The following IFNLR1 variants were observed in gnomAD, a reference collection of about 807,000 sequenced individuals.
IFNLR1 encodes the protein CRF2-12.
In IFNLR1, 28 loss-of-function variants were observed where a neutral mutation model predicts 52.5. The observed-to-expected ratio is 0.53, with a 90% CI of 0.40 to 0.73. The LOEUF is 0.73. IFNLR1 is among the 30% of genes least tolerant of loss of function. IFNLR1 has a pLI of 0.00. For missense variants in IFNLR1, 623 were observed against 659.1 expected (o/e 0.95, Z 0.60); for synonymous variants, 276 against 274.9 (o/e 1.00, Z -0.04).
chr1:24,172,601 A>C (rs1396322337), intron 2 of IFNLR1, among the ~76,000 whole-genome samples: 1 of 152,236 alleles, frequency 6.6e-6, no homozygotes, highest in Non-Finnish European at 1.5e-5. Flanking sequence ...AAATATGTAA[A>C]AGCTAAAATT....
In IFNLR1 at chr1:24,155,451, T is replaced by A. The variant is rs953296872; in HGVS notation, c.*1679A>T. 1 of 152,190 alleles carries A rather than the reference T, an allele frequency of 6.6e-6. No homozygotes were observed. The highest frequency in any genetic ancestry group is 2.4e-5 in the African/African-American group (1 of 41,444). 9.4% of individuals were successfully genotyped at this position (152,190 alleles called of 1,614,324 possible). The stretch of plus-strand genomic sequence containing the variant: ...AGCTCCTTTGCAACAAAAGGAGTGG[T>A]TTGCTAACTTTTTCTTGAGTAGTGG... On this transcript the variant is annotated 3_prime_UTR_variant, in exon 7 of 7. Coordinates refer to ENST00000327535, the MANE Select transcript of IFNLR1 (RefSeq NM_170743.4).
chr1:24,180,503 G>T (rs1013150031), intron 2 of IFNLR1, among the ~76,000 whole-genome samples: 1 of 151,578 alleles, frequency 6.6e-6, no homozygotes, highest in Non-Finnish European at 1.5e-5. Flanking sequence ...ACTTACCCCC[G>T]CCCCGGCAGA....
intron 3 of IFNLR1, among the ~76,000 whole-genome samples, chr1:24,162,250 A>T (rs957042006): frequency 1.3e-5 from 2 of 151,976 alleles, no homozygotes; most frequent in African/African-American, 4.8e-5. Flanking sequence ...TTCCTGGCCG[A>T]TTGTTAGTGG....
rs748586754 is a variant in IFNLR1 at position 24,169,576 on chromosome 1, C to T, written c.208G>A (p.Glu70Lys). ...TTGGTTCCCGCACACTCTTCCACTT[C>T]GCGCCACCGTCTACGGGTGGGAGAG... The part of the protein sequence containing the change: ...QSSPTRRRWR[E>K]VEECAGTKEL... The change falls in exon 3 of 7, where the codon GAA becomes AAA. Residue 70 changes from glutamate (E) to lysine (K), a missense_variant. Transcript: ENST00000327535. 82 of 1,613,884 alleles carry T rather than the reference C, an allele frequency of 5.1e-5. No homozygotes were observed. The highest frequency in any genetic ancestry group is 6.0e-5 in the Non-Finnish European group (71 of 1,179,866).
Position 24,157,139 on chromosome 1 carries a change from C to T in IFNLR1, c.1554G>A (p.Met518Ile). The T allele has an allele frequency of 6.2e-7, 1 of 1,609,098 alleles. No individual in the cohort carries two copies. Among genetic ancestry groups the T allele is most frequent in the Non-Finnish European group, 8.5e-7 (1 of 1,178,064 alleles). Residue 518 changes from methionine (M) to isoleucine (I), a missense_variant, in exon 7 of 7, where the codon ATG becomes ATA. Met to Ile is a conservative substitution (Grantham distance 10, BLOSUM62 1). Transcript: ENST00000327535. The surrounding 1 kb of genome is among the most constrained non-coding windows in gnomAD (Gnocchi z 5.1). ...GATGTCGGGGGACAGCTCACCTGGC[C>T]ATGTAATGCCCCAATGTCCGGCCCC... ...EDRGRTLGHY[M>I]AR
intron 3 of IFNLR1, among the ~76,000 whole-genome samples, chr1:24,164,683 G>C (rs1256353863): frequency 6.6e-6 from 1 of 151,760 alleles, no homozygotes; most frequent in East Asian, 1.9e-4. Flanking sequence ...TGAGTACTTT[G>C]ATCTTTTATC....
At chr1:24,173,841 G>T (rs1569676344) in intron 2 of IFNLR1, among the ~76,000 whole-genome samples, 1 of 151,982 alleles carries the variant, frequency 6.6e-6, no homozygotes, top group Non-Finnish European at 1.5e-5. Flanking sequence ...GTAAAGATGG[G>T]GTCTCACTAT....
chr1:24,159,014 C>T (rs746304168), intron 6 of IFNLR1, 38 bp downstream of exon 6: 3 of 1,604,336 alleles, frequency 1.9e-6, no homozygotes, highest in Non-Finnish European at 2.6e-6. Flanking sequence ...TACTCTCAAC[C>T]CCTCCCCACC....
intron 4 of IFNLR1, 93 bp from the exon 5 acceptor site, chr1:24,159,726 G>GTTTTTTTTTTTTGTTTTT: frequency 1.3e-6 from 1 of 761,910 alleles, no homozygotes. Context: ...ATGGTAGGGT[G>GTTTTTTTTTTTTGTTTTT]TTTTTTTTTT....
intron 1 of IFNLR1, among the ~76,000 whole-genome samples, chr1:24,186,678 AC>A (rs1044580104): frequency 1.3e-5 from 2 of 152,016 alleles, no homozygotes; most frequent in Admixed American, 6.6e-5. Flanking sequence ...AACAACAACA[AC>A]AACAACAACA....
chr1:24,184,891 C>T (rs1032912483), intron 1 of IFNLR1, among the ~76,000 whole-genome samples: 2 of 152,076 alleles, frequency 1.3e-5, no homozygotes, highest in African/African-American at 4.8e-5. Flanking sequence ...TGGTGGCACA[C>T]GCCTGTCATC....
chr1:24,167,811 T>C (rs1190465842), intron 3 of IFNLR1, among the ~76,000 whole-genome samples: 1 of 152,122 alleles, frequency 6.6e-6, no homozygotes, highest in African/African-American at 2.4e-5. Flanking sequence ...CCTCCTGCCT[T>C]AGCCTCCCCA....
At position 24,157,057 on chromosome 1, in the gene IFNLR1, GT is replaced by G. The variant is rs1180995877; in HGVS notation, c.*72del. 8.2e-5 allele frequency: 124 copies of G among 1,511,890 alleles called. No homozygotes were observed. In the South Asian group the frequency reaches 1.5e-3, roughly 18 times the overall value. The allele number at this position is 1,511,890 out of a possible 1,614,324, so 93.7% of individuals were successfully genotyped here. A position where few individuals can be genotyped will look rare whatever the true frequency, so the allele number is the denominator to read the frequency against. ...CCAGGGGAGGTACGGAGGCTCTTGA[GT>G]TTCTTGGGAAGCCCAGTAGTCCTTG... is the stretch of plus-strand genomic sequence containing the variant. On this transcript the variant is annotated 3_prime_UTR_variant, in exon 7 of 7. Coordinates refer to ENST00000327535, the MANE Select transcript of IFNLR1 (RefSeq NM_170743.4). The surrounding 1 kb of genome is among the most constrained non-coding windows in gnomAD (Gnocchi z 5.1).
chr1:24,179,609 G>A (rs147160214), intron 2 of IFNLR1, among the ~76,000 whole-genome samples: 252 of 152,314 alleles, frequency 1.7e-3, no homozygotes, highest in African/African-American at 5.5e-3. Flanking sequence ...TCGGACCCGA[G>A]TTCCCCTTCT....
chr1:24,183,919 G>A (rs1644713770), intron 1 of IFNLR1, among the ~76,000 whole-genome samples: 1 of 152,064 alleles, frequency 6.6e-6, no homozygotes, highest in African/African-American at 2.4e-5. Flanking sequence ...TAGTTGAGAC[G>A]AGGTTTCACC....
chr1:24,179,954 C>T (rs1023564465), intron 2 of IFNLR1, among the ~76,000 whole-genome samples: 7 of 152,182 alleles, frequency 4.6e-5, no homozygotes, highest in South Asian at 2.1e-4. Flanking sequence ...TCTCTGGATT[C>T]GCTGTGGCTG....
intron 1 of IFNLR1, 76 bp downstream of exon 1, chr1:24,187,115 C>A: frequency 2.0e-6 from 2 of 1,006,822 alleles, no homozygotes; most frequent in Non-Finnish European, 1.4e-6. Context: ...GTCCCAGGAG[C>A]TCCGGGTCCG....
In IFNLR1 at chr1:24,169,596, G is replaced by A. The variant is rs1385643606; in HGVS notation, c.188C>T (p.Pro63Leu). 1 of 1,612,652 alleles carries A rather than the reference G, an allele frequency of 6.2e-7. No individual in the cohort carries two copies. Among genetic ancestry groups the A allele is most frequent in the East Asian group, 2.2e-5 (1 of 44,884 alleles). Residue 63 changes from proline to leucine, a missense_variant, in exon 3 of 7, where the codon CCC (proline) becomes CTC (leucine). Transcript: ENST00000327535. ...VTYFVAYQSS[P>L]TRRRWREVEE... is the part of the protein sequence containing the mutation. ...CACTTCGCGCCACCGTCTACGGGTG[G>A]GAGAGCTGGGGGAGGAGAGAGGAGA...
intron 6 of IFNLR1, among the ~76,000 whole-genome samples, chr1:24,158,736 C>A (rs531259598): frequency 4.6e-5 from 7 of 152,202 alleles, no homozygotes; most frequent in African/African-American, 1.7e-4. Flanking sequence ...GGTGCCTCCT[C>A]TCCTCCCCTT....
Sources: gnomAD v4.1 joint callset for allele counts (sites outside exome capture counted in the v4.1 genomes callset) on GRCh38, gnomAD v4.1.1 for gene constraint, Gnocchi (gnomAD v3.1) non-coding constraint, MANE v1.5 for transcripts, NCBI Gene and HGNC (gene_info 2026-07-23, HGNC 2026-07-21) for gene names.